The following ARHGAP26 variants were observed in gnomAD, a reference collection of about 807,000 sequenced individuals.
ARHGAP26 encodes the protein rho GTPase-activating protein 26.
In ARHGAP26, 38 loss-of-function variants were observed where a neutral mutation model predicts 104.8. The ratio of observed to expected loss-of-function variants is 0.36; its 90% CI spans 0.28 to 0.48. The LOEUF (loss-of-function observed/expected upper bound fraction) is 0.48, where lower values mean the gene tolerates loss of function less well. ARHGAP26 is among the 20% of genes least tolerant of loss of function. ARHGAP26 has a pLI of 0.99. For missense variants in ARHGAP26, 704 were observed against 947.9 expected (o/e 0.74, Z 3.38); for synonymous variants, 341 against 340.0 (o/e 1.00, Z -0.03).
intron 18 of ARHGAP26, among the ~76,000 whole-genome samples, chr5:143,123,042 T>C (rs542151761): frequency 4.6e-5 from 7 of 152,344 alleles, no homozygotes; most frequent in African/African-American, 9.6e-5. Context: ...TGTGTTTTGT[T>C]CCTCAGTAGG....
rs1811817798 is a variant in ARHGAP26 at position 143,228,275 on chromosome 5, C to T, written c.*5829C>T. Reference sequence around the variant, plus strand: ...TGTGTGTGTATACAGCACATATTTACATCTATGAAGACATAGACACTTACA... The same window carrying T: ...TGTGTGTGTATACAGCACATATTTATATCTATGAAGACATAGACACTTACA... On this transcript the variant is annotated 3_prime_UTR_variant, in exon 23 of 23. Coordinates refer to ENST00000645722, the MANE Select transcript of ARHGAP26 (RefSeq NM_001135608.3). 4.5e-6 allele frequency: 1 copy of T among 224,180 alleles called. No homozygotes were observed. The highest frequency in any genetic ancestry group is 1.8e-4 in the South Asian group (1 of 5,442). The allele number at this position is 224,180 out of a possible 1,614,324, so 13.9% of individuals were successfully genotyped here.
chr5:142,840,463 T>G (rs1770539486), intron 1 of ARHGAP26, among the ~76,000 whole-genome samples: 1 of 152,158 alleles, frequency 6.6e-6, no homozygotes. Flanking sequence ...TATTGTTAAA[T>G]AGGGCCTAAA....
intron 11 of ARHGAP26, among the ~76,000 whole-genome samples, chr5:142,935,546 C>A (rs1765290232): frequency 6.6e-6 from 1 of 152,162 alleles, no homozygotes; most frequent in South Asian, 2.1e-4. Context: ...GTTTGTTGAT[C>A]CCTGATCTGT....
intron 14 of ARHGAP26, among the ~76,000 whole-genome samples, chr5:143,047,187 A>G (rs1349320605): frequency 6.6e-6 from 1 of 152,216 alleles, no homozygotes; most frequent in Non-Finnish European, 1.5e-5. Flanking sequence ...ACTCAGGTAA[A>G]TATCCCCATA....
At chr5:142,801,983 A>T (rs1032742568) in intron 1 of ARHGAP26, among the ~76,000 whole-genome samples, 59 of 152,296 alleles carry the variant, frequency 3.9e-4, no homozygotes, top group African/African-American at 9.6e-4. Context: ...AGAGAGGATA[A>T]AAACTAGATT....
intron 20 of ARHGAP26, among the ~76,000 whole-genome samples, chr5:143,185,010 T>A (rs113571413): frequency 1.3e-5 from 2 of 152,096 alleles, no homozygotes; most frequent in East Asian, 3.8e-4. Context: ...TTTTTACCCC[T>A]GTATTATTTA....
Position 142,885,501 on chromosome 5 carries a change from G to A in ARHGAP26, c.486+102G>A, listed in dbSNP as rs1757576563. On this transcript the variant is annotated intron_variant, in intron 5 of 22. Coordinates refer to ENST00000645722, the MANE Select transcript of ARHGAP26 (RefSeq NM_001135608.3). The stretch of plus-strand genomic sequence containing the variant: ...TGCTAGAAAATCTTAGGGTTAGAAG[G>A]GACCTGGGAAGCCAGGAGATTGCTC... 16 of 1,027,268 alleles carry A rather than the reference G, an allele frequency of 1.6e-5. No individual in the cohort carries two copies. The South Asian group carries it at 2.2e-4, about 14-fold the overall frequency. The allele number at this position is 1,027,268 out of a possible 1,614,324, so 63.6% of individuals were successfully genotyped here.
At chr5:142,933,479 C>G (rs979630435) in intron 11 of ARHGAP26, among the ~76,000 whole-genome samples, 1 of 152,128 alleles carries the variant, frequency 6.6e-6, no homozygotes. Flanking sequence ...CAGAGAGACT[C>G]TGAAGTACGG....
At chr5:142,811,696 A>C (rs1430055606) in intron 1 of ARHGAP26, among the ~76,000 whole-genome samples, 4 of 151,774 alleles carry the variant, frequency 2.6e-5, no homozygotes, top group African/African-American at 7.3e-5. Flanking sequence ...TGTTAAGTTT[A>C]AGTGAGCCAA....
chr5:143,219,468 C>T (rs537366137), intron 22 of ARHGAP26, among the ~76,000 whole-genome samples: 5 of 152,252 alleles, frequency 3.3e-5, no homozygotes, highest in African/African-American at 4.8e-5. Context: ...AAGCTTAGCA[C>T]GTTTGAACAG....
At position 142,932,077 on chromosome 5, in the gene ARHGAP26, G is replaced by C. The variant is rs758538234; in HGVS notation, c.1059G>C (p.Ser353=). 1.2e-6 allele frequency: 2 copies of C among 1,613,924 alleles called. No individual in the cohort carries two copies. Among genetic ancestry groups the C allele is most frequent in the African/African-American group, 2.7e-5 (2 of 74,908 alleles). The part of the protein sequence containing the change: ...RPGVITMQAL[S]EEDRRLWMEA... ...GGGTTATCACCATGCAAGCTTTGTCGGAAGAGGACCGGAGGCTCTGGATGG... is the reference window on the plus strand; with the variant it reads ...GGGTTATCACCATGCAAGCTTTGTCCGAAGAGGACCGGAGGCTCTGGATGG... Residue 353 remains serine (S), a synonymous_variant, in exon 11 of 23, where the codon TCG becomes TCC. Transcript: ENST00000645722.
intron 20 of ARHGAP26, among the ~76,000 whole-genome samples, chr5:143,201,896 A>G (rs907743256): frequency 2.6e-5 from 4 of 152,220 alleles, no homozygotes; most frequent in Non-Finnish European, 5.9e-5. Flanking sequence ...CATTTAAAAA[A>G]TCACAGAAGT....
At chr5:143,073,207 C>A (rs1160094645) in intron 17 of ARHGAP26, among the ~76,000 whole-genome samples, 1 of 152,084 alleles carries the variant, frequency 6.6e-6, no homozygotes, top group Non-Finnish European at 1.5e-5. Context: ...CCATAAAGGA[C>A]CCAGAATAGT....
intron 17 of ARHGAP26, among the ~76,000 whole-genome samples, chr5:143,094,651 G>T (rs992829890): frequency 6.6e-6 from 1 of 152,256 alleles, no homozygotes; most frequent in African/African-American, 2.4e-5. Flanking sequence ...ACTTGGACAA[G>T]GGAGGGGAAA....
intron 17 of ARHGAP26, among the ~76,000 whole-genome samples, chr5:143,111,289 G>A (rs1794745245): frequency 6.6e-6 from 1 of 152,168 alleles, no homozygotes; most frequent in Non-Finnish European, 1.5e-5. Flanking sequence ...AACAGGATAT[G>A]TATTGTATCT....
chr5:143,139,985 A>G (rs953170067), intron 19 of ARHGAP26, among the ~76,000 whole-genome samples: 8 of 152,174 alleles, frequency 5.3e-5, no homozygotes, highest in Admixed American at 2.6e-4. Flanking sequence ...TTCTGTCCCA[A>G]ATTTTTAGCA....
chr5:142,817,467 G>C (rs554927142), intron 1 of ARHGAP26, among the ~76,000 whole-genome samples: 97 of 152,310 alleles, frequency 6.4e-4, no homozygotes, highest in Admixed American at 1.0e-3. Flanking sequence ...CTGAGAGGAT[G>C]GTGCCTTGCA....
At chr5:142,936,870 T>G (rs1309879585) in intron 11 of ARHGAP26, among the ~76,000 whole-genome samples, 1 of 151,808 alleles carries the variant, frequency 6.6e-6, no homozygotes, top group Non-Finnish European at 1.5e-5. Flanking sequence ...TATACAAAAT[T>G]TAATTCAGAA....
At chr5:143,025,463 C>A (rs1220748199) in intron 12 of ARHGAP26, among the ~76,000 whole-genome samples, 5 of 152,196 alleles carry the variant, frequency 3.3e-5, no homozygotes. Context: ...CACTTCCACC[C>A]TCAGAAAGCT....
Sources: allele counts gnomAD v4.1 joint callset (sites outside exome capture counted in the v4.1 genomes callset), GRCh38; gene constraint gnomAD v4.1.1; transcripts MANE v1.5; gene names NCBI Gene and HGNC (gene_info 2026-07-23, HGNC 2026-07-21).